CNTNAP3: variants seen among roughly 807,000 people sequenced by gnomAD.
The protein encoded by CNTNAP3 is contactin-associated protein-like 3.
CNTNAP3 carries 36 observed loss-of-function variants against 92.1 expected under a neutral mutation model. The ratio of observed to expected loss-of-function variants is 0.39; its 90% CI spans 0.30 to 0.52. CNTNAP3 has a LOEUF of 0.52. Ranked by LOEUF, CNTNAP3 falls within the 20% of genes least tolerant of loss-of-function variation. The pLI, the probability that CNTNAP3 is intolerant of heterozygous loss-of-function variation, is 0.76. For missense variants in CNTNAP3, 534 were observed against 1,069.6 expected (o/e 0.50, Z 6.98); for synonymous variants, 232 against 422.3 (o/e 0.55, Z 5.53).
chr9:39,126,067 A>G (rs1231739553), intron 13 of CNTNAP3, among the ~76,000 whole-genome samples: 3 of 152,186 alleles, frequency 2.0e-5, no homozygotes, highest in Non-Finnish European at 2.9e-5. Flanking sequence ...CTCAAATACA[A>G]ATGCACAATT....
At chr9:39,097,005 A>G (rs3119740) in intron 18 of CNTNAP3, among the ~76,000 whole-genome samples, 1 of 151,152 alleles carries the variant, frequency 6.6e-6, no homozygotes. Flanking sequence ...TTACGTATAT[A>G]TTGGTGTGCT....
chr9:39,085,601 A>G, intron 21 of CNTNAP3, 135 bp downstream of exon 21: 1 of 773,034 alleles, frequency 1.3e-6, no homozygotes, highest in Non-Finnish European at 2.1e-6. Context: ...AGGCAAGAGT[A>G]CAGTTTGCAC....
At chr9:39,150,680 A>C (rs996968229) in intron 9 of CNTNAP3, among the ~76,000 whole-genome samples, 3 of 42,238 alleles carry the variant, frequency 7.1e-5, no homozygotes, top group Admixed American at 5.3e-4. Context: ...CATAAGGATA[A>C]AAATTTGCAG....
intron 23 of CNTNAP3, among the ~76,000 whole-genome samples, chr9:39,076,698 G>T (rs868796695): frequency 6.6e-6 from 1 of 152,308 alleles, no homozygotes; most frequent in African/African-American, 2.4e-5. Flanking sequence ...GCCGGGCATG[G>T]TGGCTCATGC....
At chr9:39,131,813 G>A (rs1821300927) in intron 13 of CNTNAP3, among the ~76,000 whole-genome samples, 2 of 151,472 alleles carry the variant, frequency 1.3e-5, no homozygotes, top group Admixed American at 6.6e-5. Flanking sequence ...GGGTGACAGA[G>A]AGGCCAATCC....
At chr9:39,123,258 C>T (rs904106511) in intron 13 of CNTNAP3, among the ~76,000 whole-genome samples, 18 of 151,910 alleles carry the variant, frequency 1.2e-4, no homozygotes, top group African/African-American at 4.4e-4. Flanking sequence ...CCACGCCCGG[C>T]TAATTTTTTG....
chr9:39,073,762 TG>T lies in CNTNAP3; in HGVS notation c.*127del. On this transcript the variant is annotated 3_prime_UTR_variant, in exon 24 of 24. Coordinates refer to ENST00000297668, the MANE Select transcript of CNTNAP3 (RefSeq NM_033655.5). Reference sequence around the variant, plus strand: ...GCACTGCACCTGCTTGTGTGCACCCTGATGGCAACAGCAGGGAAGTCCACAG... The same window carrying T: ...GCACTGCACCTGCTTGTGTGCACCCTATGGCAACAGCAGGGAAGTCCACAG... 2 of 1,589,782 alleles carry T rather than the reference TG, an allele frequency of 1.3e-6. No individual in the cohort carries two copies. The highest frequency in any genetic ancestry group is 1.7e-6 in the Non-Finnish European group (2 of 1,174,236).
chr9:39,082,229 C>T (rs1267595906), intron 21 of CNTNAP3, among the ~76,000 whole-genome samples: 1 of 151,982 alleles, frequency 6.6e-6, no homozygotes, highest in African/African-American at 2.4e-5. Flanking sequence ...TAGGACAGCA[C>T]AGACTTTACA....
rs544650366 is a variant in CNTNAP3, at chr9:39,065,700, G to T, written c.*8190C>A. Among the ~76,000 whole-genome samples, 10 of 152,298 alleles carry T rather than the reference G, an allele frequency of 6.6e-5. No individual in the cohort carries two copies. Among genetic ancestry groups the T allele is most frequent in the African/African-American group, 2.2e-4 (9 of 41,552 alleles). On this transcript the variant is annotated 3_prime_UTR_variant, in exon 24 of 24. Coordinates refer to ENST00000297668, the MANE Select transcript of CNTNAP3 (RefSeq NM_033655.5). ...GAATAACTCACTGTGGTTTTAATTT[G>T]CATTTCCTTAATGACAAAACGATAT...
Position 39,071,315 on chromosome 9 carries a change from C to T in CNTNAP3, c.*2575G>A, listed in dbSNP as rs1375409383. 6.7e-6 allele frequency among the ~76,000 whole-genome samples: 1 copy of T among 149,840 alleles called. No individual in the cohort carries two copies. The highest frequency in any genetic ancestry group is 1.5e-5 in the Non-Finnish European group (1 of 67,688). The stretch of plus-strand genomic sequence containing the variant: ...TGTTAAGTTTATGCCGTAATAATGA[C>T]TTTTAGTAAACAATGAAGATTTACA... On this transcript the variant is annotated 3_prime_UTR_variant, in exon 24 of 24. Coordinates refer to ENST00000297668, the MANE Select transcript of CNTNAP3 (RefSeq NM_033655.5).
chr9:39,083,085 T>C (rs972082900), intron 21 of CNTNAP3, among the ~76,000 whole-genome samples: 3 of 152,106 alleles, frequency 2.0e-5, no homozygotes, highest in African/African-American at 7.2e-5. Flanking sequence ...GTATGTCTTA[T>C]GTGACATCTC....
At chr9:39,137,589 T>G (rs756522813) in intron 12 of CNTNAP3, among the ~76,000 whole-genome samples, 15 of 152,184 alleles carry the variant, frequency 9.9e-5, no homozygotes, top group Non-Finnish European at 2.2e-4. Flanking sequence ...CTCAGCTCAC[T>G]GCATGCTCCG....
At chr9:39,168,262 A>G (rs1011336602) in intron 8 of CNTNAP3, among the ~76,000 whole-genome samples, 6 of 149,902 alleles carry the variant, frequency 4.0e-5, no homozygotes, top group Admixed American at 4.0e-4. Flanking sequence ...CGTGATCTGC[A>G]TGCCTTGGCC....
intron 13 of CNTNAP3, among the ~76,000 whole-genome samples, chr9:39,126,965 TC>T (rs1241911401): frequency 6.6e-6 from 1 of 152,038 alleles, no homozygotes; most frequent in Non-Finnish European, 1.5e-5. Context: ...CATTTTTTTT[TC>T]AAATGCCGAT....
chr9:39,114,837 G>A (rs1489449345), intron 14 of CNTNAP3, among the ~76,000 whole-genome samples: 2 of 151,440 alleles, frequency 1.3e-5, no homozygotes, highest in South Asian at 2.1e-4. Flanking sequence ...AGTTACATGT[G>A]TCATCATTAT....
At chr9:39,090,455 T>C (rs1303383919) in intron 18 of CNTNAP3, among the ~76,000 whole-genome samples, 1 of 152,246 alleles carries the variant, frequency 6.6e-6, no homozygotes, top group African/African-American at 2.4e-5. Flanking sequence ...TGCATGTGCA[T>C]GTATACTCAG....
chr9:39,085,479 C>T (rs1304984733), intron 21 of CNTNAP3: 11 of 467,900 alleles, frequency 2.4e-5, no homozygotes, highest in Non-Finnish European at 3.0e-5. Flanking sequence ...AGAAAAATAC[C>T]GTGATTCATT....
chr9:39,121,375 A>T (rs570221816), intron 13 of CNTNAP3, among the ~76,000 whole-genome samples: 2 of 152,270 alleles, frequency 1.3e-5, no homozygotes, highest in East Asian at 3.9e-4. Context: ...TACACCCTTA[A>T]AAAAATGAGG....
chr9:39,079,553 G>T (rs1459280073), intron 21 of CNTNAP3, among the ~76,000 whole-genome samples: 1 of 151,946 alleles, frequency 6.6e-6, no homozygotes, highest in Non-Finnish European at 1.5e-5. Flanking sequence ...TTTCAATATT[G>T]TAAGAGCATT....
Sources: gnomAD v4.1 joint callset for allele counts (sites outside exome capture counted in the v4.1 genomes callset) on GRCh38, gnomAD v4.1.1 for gene constraint, MANE v1.5 for transcripts, NCBI Gene and HGNC (gene_info 2026-07-23, HGNC 2026-07-21) for gene names.